Variants in EVL observed in about 807,000 individuals in gnomAD.
The protein encoded by EVL is Enah/Vasp-like, also known as ena/VASP-like protein.
A neutral mutation model predicts 59.6 loss-of-function variants in EVL; 21 were observed. That is an observed-to-expected ratio of 0.35 (90% CI 0.25 to 0.51). The LOEUF (loss-of-function observed/expected upper bound fraction) is 0.51. EVL is among the 20% of genes least tolerant of loss of function. The pLI is 0.97. For missense variants in EVL, 462 were observed against 546.6 expected, an observed-to-expected ratio of 0.85 and a Z score of 1.54; for synonymous variants, 198 against 203.5, an observed-to-expected ratio of 0.97 and a Z score of 0.23.
At chr14:100,017,861 G>A (rs372032129) in intron 1 of EVL, among the ~76,000 whole-genome samples, 1 of 152,178 alleles carries the variant, frequency 6.6e-6, no homozygotes, top group Admixed American at 6.5e-5. Flanking sequence ...AGTCGGCCTC[G>A]TTTGGCCTTT....
At chr14:100,118,078 C>T (rs1887464406) in intron 3 of EVL, among the ~76,000 whole-genome samples, 1 of 152,242 alleles carries the variant, frequency 6.6e-6, no homozygotes, top group African/African-American at 2.4e-5. Context: ...TGGCCACGCT[C>T]TTCCTCCTGC....
At chr14:100,115,626 G>C (rs970067750) in intron 3 of EVL, among the ~76,000 whole-genome samples, 1 of 152,212 alleles carries the variant, frequency 6.6e-6, no homozygotes, top group Non-Finnish European at 1.5e-5. Flanking sequence ...GAGCTGAGCT[G>C]TCTCTGCTAA....
Position 100,139,168 on chromosome 14 carries a change from A to AGCGCTCCCAGCGGACTCCGCC in EVL, c.1094+1367_1094+1387dup, listed in dbSNP as rs1275289844. 8 of 152,284 alleles carry AGCGCTCCCAGCGGACTCCGCC rather than the reference A, an allele frequency of 5.3e-5. No individual in the cohort carries two copies. The East Asian group carries it at 1.5e-3, about 29-fold the overall frequency. The allele number at this position is 152,284 out of a possible 1,614,324, so 9.4% of individuals were successfully genotyped here. A position where few individuals can be genotyped will look rare whatever the true frequency, so the allele number is the denominator to read the frequency against. ...AGACACGGCAGCAAGGGGAGCCTGCAGCGCTCCCAGCGGACTCCGCCACGT... is the reference window on the plus strand; with the variant it reads ...AGACACGGCAGCAAGGGGAGCCTGCAGCGCTCCCAGCGGACTCCGCCGCGCTCCCAGCGGACTCCGCCACGT... On this transcript the variant is annotated intron_variant, in intron 11 of 13. Coordinates refer to ENST00000392920, the MANE Select transcript of EVL (RefSeq NM_016337.3).
intron 1 of EVL, among the ~76,000 whole-genome samples, chr14:100,007,206 GTAAGATATA>G (rs2060988180): frequency 6.6e-6 from 1 of 152,074 alleles, no homozygotes; most frequent in African/African-American, 2.4e-5. Context: ...ATCAGTATAT[GTAAGATATA>G]TATTGGTTCC....
chr14:100,042,241 C>A (rs549900918), intron 1 of EVL, among the ~76,000 whole-genome samples: 1 of 152,040 alleles, frequency 6.6e-6, no homozygotes, highest in Non-Finnish European at 1.5e-5. Context: ...TTCAAGTGCT[C>A]GGTAGTCACA....
At chr14:99,973,101 T>A (rs2060746296) in intron 1 of EVL, among the ~76,000 whole-genome samples, 1 of 152,234 alleles carries the variant, frequency 6.6e-6, no homozygotes, top group African/African-American at 2.4e-5. Flanking sequence ...AATGCTGTTA[T>A]GGATATTGTT....
chr14:99,980,549 A>G (rs566917443), intron 1 of EVL, among the ~76,000 whole-genome samples: 1 of 152,348 alleles, frequency 6.6e-6, no homozygotes, highest in African/African-American at 2.4e-5. Flanking sequence ...TACAGAATGC[A>G]GTGTGATTAC....
intron 1 of EVL, among the ~76,000 whole-genome samples, chr14:99,976,480 G>A (rs899501746): frequency 6.7e-6 from 1 of 148,852 alleles, no homozygotes; most frequent in African/African-American, 2.5e-5. Context: ...TCTGTTAGTT[G>A]TTTCCAGTGT....
chr14:100,036,786 G>A (rs1484005245), intron 1 of EVL, among the ~76,000 whole-genome samples: 1 of 152,176 alleles, frequency 6.6e-6, no homozygotes, highest in Non-Finnish European at 1.5e-5. Context: ...TGGCACTCTA[G>A]GGCACTGTTA....
At chr14:100,076,801 TG>T (rs1318211224) in intron 1 of EVL, among the ~76,000 whole-genome samples, 1 of 152,124 alleles carries the variant, frequency 6.6e-6, no homozygotes, top group South Asian at 2.1e-4. Context: ...GGGTCGGCTG[TG>T]GACACTTTGG....
At chr14:100,082,610 T>C (rs543105237) in intron 1 of EVL, among the ~76,000 whole-genome samples, 19 of 152,364 alleles carry the variant, frequency 1.2e-4, no homozygotes, top group African/African-American at 4.6e-4. Flanking sequence ...CAGTGTGGAC[T>C]TGTGAGGGCA....
At chr14:100,118,747 G>A (rs1887510459) in intron 3 of EVL, among the ~76,000 whole-genome samples, 1 of 152,176 alleles carries the variant, frequency 6.6e-6, no homozygotes, top group Admixed American at 6.5e-5. Context: ...AGGGCTCATG[G>A]CTGAGTCTGG....
chr14:100,061,371 C>T (rs1286786779), upstream of EVL, among the ~76,000 whole-genome samples: 1 of 128,272 alleles, frequency 7.8e-6, no homozygotes, highest in Non-Finnish European at 1.6e-5. Context: ...GCTGAGATCA[C>T]CCAGCTTGGG....
At chr14:100,000,159 G>A (rs1242234766) in intron 1 of EVL, among the ~76,000 whole-genome samples, 1 of 152,174 alleles carries the variant, frequency 6.6e-6, no homozygotes, top group African/African-American at 2.4e-5. Context: ...ACCCTCAGGA[G>A]GTCCTGACAA....
At chr14:100,048,645 G>A (rs764313586) in intron 1 of EVL, among the ~76,000 whole-genome samples, 1 of 152,132 alleles carries the variant, frequency 6.6e-6, no homozygotes, top group Non-Finnish European at 1.5e-5. Context: ...GAAAGCTTAC[G>A]TTCGTGACCA....
intron 3 of EVL, among the ~76,000 whole-genome samples, chr14:100,122,860 CG>C (rs1240373177): frequency 6.6e-6 from 1 of 152,212 alleles, no homozygotes; most frequent in African/African-American, 2.4e-5. Flanking sequence ...TCGCCTATGC[CG>C]GGGTCCCTCC....
intron 1 of EVL, among the ~76,000 whole-genome samples, chr14:99,989,216 G>C (rs2060859821): frequency 6.6e-6 from 1 of 152,054 alleles, no homozygotes. Flanking sequence ...GAAACCTGGA[G>C]GTGTGATGGA....
intron 1 of EVL, among the ~76,000 whole-genome samples, chr14:100,030,172 A>G (rs1486962767): frequency 6.7e-6 from 1 of 149,678 alleles, no homozygotes; most frequent in Non-Finnish European, 1.5e-5. Context: ...AGCTCACTGC[A>G]ACCTCCGCCT....
intron 11 of EVL, chr14:100,140,765 G>A (rs768813792): frequency 2.4e-5 from 4 of 163,454 alleles, no homozygotes; most frequent in African/African-American, 4.9e-5. Context: ...GCCTCCTGCC[G>A]CCGCTGCTGC....
Sources: allele counts gnomAD v4.1 joint callset (sites outside exome capture counted in the v4.1 genomes callset), GRCh38; gene constraint gnomAD v4.1.1; transcripts MANE v1.5; gene names NCBI Gene and HGNC (gene_info 2026-07-23, HGNC 2026-07-21).